The following CDHR5 variants were observed in gnomAD, a reference collection of about 807,000 sequenced individuals.
The protein encoded by CDHR5 is cadherin related family member 5.
In CDHR5, 82 loss-of-function variants were observed where a neutral mutation model predicts 69.5. The observed-to-expected ratio is 1.18, with a 90% CI of 0.99 to 1.42. The LOEUF is 1.42. Among genes scored for constraint, CDHR5 ranks in the 40% most tolerant of loss-of-function variants. The pLI is 0.00. For synonymous variants in CDHR5, 601 were observed against 510.2 expected (o/e 1.18, Z -2.40); for missense variants, 1,293 against 1,168.9 (o/e 1.11, Z -1.55).
chr11:623,683 T>C (rs1857549612), intron 3 of CDHR5, among the ~76,000 whole-genome samples: 1 of 151,750 alleles, frequency 6.6e-6, no homozygotes, highest in Non-Finnish European at 1.5e-5. Flanking sequence ...TGGGCAGCCT[T>C]GGTTTACAAC....
In CDHR5 at chr11:618,666, G is replaced by A; in HGVS notation, c.1893C>T (p.Gly631=). 1.3e-6 allele frequency: 2 copies of A among 1,592,412 alleles called. No homozygotes were observed. Among genetic ancestry groups the A allele is most frequent in the East Asian group, 2.3e-5 (1 of 43,584 alleles). ...TSHQPTTPGG[G]TAQTPEPGTS... ...TTCCTGGCTCTGGGGTCTGTGCTGT[G>A]CCCCCACCGGGTGTGGTTGGTTGGT... The change falls in exon 13 of 15, where the codon GGC becomes GGT. Residue 631 remains glycine, a synonymous_variant. Coordinates refer to ENST00000397542, the MANE Select transcript of CDHR5 (RefSeq NM_021924.5).
At chr11:617,829 C>T (rs1403473132) in intron 14 of CDHR5, 59 bp from the exon 15 acceptor site, 1 of 1,470,978 alleles carries the variant, frequency 6.8e-7, no homozygotes, top group South Asian at 1.3e-5. Flanking sequence ...CTTGGCCCTG[C>T]ACACCCTCAT....
intron 13 of CDHR5, 89 bp from the exon 14 acceptor site, chr11:618,200 T>A: frequency 2.6e-6 from 3 of 1,152,928 alleles, no homozygotes; most frequent in Non-Finnish European, 2.5e-6. Flanking sequence ...CTTGGGACAC[T>A]TGGGTTCCAC....
rs1226557774 is a variant in CDHR5 at position 624,771 on chromosome 11, C to CT, written c.86-40_86-39insA. ...GAGGAGGGATCAGTGCCTCCCAGCCCCTGGCTCCCCGCCGCCCGTGCCCCA... is the reference window on the plus strand; with the variant it reads ...GAGGAGGGATCAGTGCCTCCCAGCCCTCTGGCTCCCCGCCGCCCGTGCCCCA... On this transcript the variant is annotated intron_variant, in intron 1 of 14. Transcript: ENST00000397542. This position sits in a 1 kb window ranked among gnomAD's most constrained non-coding sequence, Gnocchi z 5.3. 1 of 1,604,178 alleles carries CT rather than the reference C, an allele frequency of 6.2e-7. No homozygotes were observed. The highest frequency in any genetic ancestry group is 8.5e-7 in the Non-Finnish European group (1 of 1,173,888).
In CDHR5 at chr11:618,685, G is replaced by C. The variant is rs1265450515; in HGVS notation, c.1874C>G (p.Pro625Arg). The C allele has an allele frequency of 7.5e-6, 12 of 1,590,250 alleles. No homozygotes were observed. The highest frequency in any genetic ancestry group is 1.0e-5 in the Non-Finnish European group (12 of 1,167,378). ...PGMGTSTSHQ[P>R]TTPGGGTAQT... ...TGCTGTGCCCCCACCGGGTGTGGTT[G>C]GTTGGTGGGAGGTGCTGGTTCCCAT... is the stretch of plus-strand genomic sequence containing the variant. The change falls in exon 13 of 15, where the codon CCA becomes CGA. Residue 625 changes from proline to arginine, a missense_variant. Physicochemically the swap from Pro to Arg is moderately radical, Grantham distance 103 (BLOSUM62 -2). Transcript: ENST00000397542.
In CDHR5 at chr11:621,532, T is replaced by C. The variant is rs778113410; in HGVS notation, c.507+30A>G. The stretch of plus-strand genomic sequence containing the variant: ...GCTGTGGGTGTCAGAGGCGAGGGGC[T>C]CGTGCTGGGGCAGGGTGGGCGGCAC... On this transcript the variant is annotated intron_variant, in intron 5 of 14. Transcript: ENST00000397542. The surrounding 1 kb of genome is among the most constrained non-coding windows in gnomAD (Gnocchi z 4.4). 10 of 1,594,712 alleles carry C rather than the reference T, an allele frequency of 6.3e-6. No homozygotes were observed. The highest frequency in any genetic ancestry group is 1.7e-5 in the Admixed American group (1 of 59,974).
intron 3 of CDHR5, among the ~76,000 whole-genome samples, chr11:622,812 T>C (rs980734981): frequency 5.9e-5 from 9 of 152,182 alleles, no homozygotes; most frequent in South Asian, 4.2e-4. Flanking sequence ...ACAATGTCGT[T>C]GTCACACCTG....
At position 620,331 on chromosome 11, in the gene CDHR5, C is replaced by T. The variant is rs1857296504; in HGVS notation, c.845G>A (p.Gly282Asp). Reference sequence around the variant, plus strand: ...GCTGTAGATGATGGGCTGGTTGATGCCGCGGTCTCCGTCCTCAGCGTAGAT... The same window carrying T: ...GCTGTAGATGATGGGCTGGTTGATGTCGCGGTCTCCGTCCTCAGCGTAGAT... Reference protein sequence around the residue: ...GPIYAEDGDRGINQPIIYSIF... With the variant: ...GPIYAEDGDRDINQPIIYSIF... The change falls in exon 8 of 15, where the codon GGC (glycine) becomes GAC (aspartate). Residue 282 changes from glycine to aspartate, a missense_variant. Transcript: ENST00000397542. 1.2e-6 allele frequency: 2 copies of T among 1,612,668 alleles called. No individual in the cohort carries two copies. The highest frequency in any genetic ancestry group is 1.7e-5 in the Admixed American group (1 of 59,836).
intron 9 of CDHR5, 74 bp downstream of exon 9, chr11:619,993 C>T: frequency 7.8e-7 from 1 of 1,278,326 alleles, no homozygotes; most frequent in Non-Finnish European, 1.1e-6. Context: ...GCCCCGGCCC[C>T]CCAGCCCTGA....
At chr11:619,924 G>A (rs1002273886) in intron 9 of CDHR5, 43 bp from the exon 10 acceptor site, 2 of 1,481,298 alleles carry the variant, frequency 1.4e-6, no homozygotes, top group African/African-American at 2.8e-5. Context: ...GGTTGAAGGT[G>A]GAGCTGGCGC....
intron 13 of CDHR5, among the ~76,000 whole-genome samples, 154 bp from the exon 14 acceptor site, chr11:618,265 C>T (rs530995323): frequency 1.3e-5 from 2 of 152,330 alleles, no homozygotes; most frequent in African/African-American, 2.4e-5. Context: ...GCTCAAGGGG[C>T]CTGTGTGTCC....
Position 619,153 on chromosome 11 carries a change from C to T in CDHR5, c.1406G>A (p.Gly469Glu). The change falls in exon 13 of 15, where the codon GGA becomes GAA. Residue 469 changes from glycine to glutamate, a missense_variant. Physicochemically the swap from Gly to Glu is moderately conservative, Grantham distance 98. Coordinates refer to ENST00000397542, the MANE Select transcript of CDHR5 (RefSeq NM_021924.5). The part of the protein sequence containing the change: ...TDVPPSPEAG[G>E]TTGPWTSTTS... The stretch of plus-strand genomic sequence containing the variant: ...GGTGCTGGTCCAGGGCCCAGTTGTT[C>T]CTCCAGCCTCTGGGGATGGGGGGAC... 2 of 1,560,366 alleles carry T rather than the reference C, an allele frequency of 1.3e-6. No homozygotes were observed. Among genetic ancestry groups the T allele is most frequent in the Non-Finnish European group, 8.7e-7 (1 of 1,155,410 alleles).
Position 621,118 on chromosome 11 carries a change from C to T in CDHR5, c.751G>A (p.Ala251Thr), listed in dbSNP as rs140132614. The T allele has an allele frequency of 3.8e-6, 6 of 1,579,922 alleles. No individual in the cohort carries two copies. Among genetic ancestry groups the T allele is most frequent in the Non-Finnish European group, 5.2e-6 (6 of 1,162,630 alleles). ...GTGGGGACAGCCCCGTGGTACTGAG[C>T]TTGAATGCAGACGTAGCCATCTGAG... ...TFSDGYVCIQ[A>T]QYHGAVPTGH... The change falls in exon 7 of 15, where the codon GCT becomes ACT. Residue 251 changes from alanine to threonine, a missense_variant. Coordinates refer to ENST00000397542, the MANE Select transcript of CDHR5 (RefSeq NM_021924.5). The surrounding 1 kb of genome is among the most constrained non-coding windows in gnomAD (Gnocchi z 4.4).
rs1564896516 is a variant in CDHR5 at position 619,842 on chromosome 11, C to T, written c.1018G>A (p.Val340Ile). 1.3e-6 allele frequency: 2 copies of T among 1,565,628 alleles called. No homozygotes were observed. Among genetic ancestry groups the T allele is most frequent in the Non-Finnish European group, 1.7e-6 (2 of 1,159,802 alleles). Residue 340 changes from valine (V) to isoleucine (I), a missense_variant, in exon 10 of 15, where the codon GTC becomes ATC. Val to Ile is a conservative substitution (Grantham distance 29). Transcript: ENST00000397542. ...GCCGCAGCCACAGCCTCCACGGTGA[C>T]CTGGGTCACTGAGTAGCGGGCAAGG... is the stretch of plus-strand genomic sequence containing the variant. ...ADLARYSVTQVTVEAVAAAGS... is the reference protein window; with the variant it reads ...ADLARYSVTQITVEAVAAAGS...
rs544753589 is a variant in CDHR5 at position 617,883 on chromosome 11, C to G, written c.2118+71G>C. 90 of 1,545,788 alleles carry G rather than the reference C, an allele frequency of 5.8e-5. 1 individual carries two copies. The highest frequency in any genetic ancestry group is 7.5e-5 in the Non-Finnish European group (85 of 1,140,668). On this transcript the variant is annotated intron_variant, in intron 14 of 14. Coordinates refer to ENST00000397542, the MANE Select transcript of CDHR5 (RefSeq NM_021924.5). ...CCGTCTCCACATCTGTCCCTCTGCC[C>G]TCCCCTCTCCTGTCCCCCGTCCCCC...
chr11:623,684 G>T (rs925570904), intron 3 of CDHR5, among the ~76,000 whole-genome samples: 1 of 152,104 alleles, frequency 6.6e-6, no homozygotes, highest in African/African-American at 2.4e-5. Flanking sequence ...GGGCAGCCTT[G>T]GTTTACAACA....
In CDHR5 at chr11:624,889, G is replaced by C; in HGVS notation, c.14C>G (p.Ala5Gly). 1 of 1,561,424 alleles carries C rather than the reference G, an allele frequency of 6.4e-7. No individual in the cohort carries two copies. The highest frequency in any genetic ancestry group is 2.0e-5 in the Admixed American group (1 of 50,592). MGSWALLWPPLLFTG... is the reference protein window; with the variant it reads MGSWGLLWPPLLFTG... ...GAACAGCAGGGGAGGCCACAGCAGG[G>C]CCCAAGACCCCATCTTGGCGGCTGT... Residue 5 changes from alanine (A) to glycine (G), a missense_variant, in exon 1 of 15, where the codon GCC (alanine) becomes GGC (glycine). By Grantham distance (60) the Ala-to-Gly change is moderately conservative. Coordinates refer to ENST00000397542, the MANE Select transcript of CDHR5 (RefSeq NM_021924.5). The surrounding 1 kb of genome is among the most constrained non-coding windows in gnomAD (Gnocchi z 5.3).
At chr11:618,550 C>T (rs752164860) in intron 13 of CDHR5, 49 bp downstream of exon 13, 15 of 1,602,754 alleles carry the variant, frequency 9.4e-6, no homozygotes, top group African/African-American at 2.7e-5. Flanking sequence ...GTTTCCCATA[C>T]CAGCCAATGA....
At chr11:620,969 G>C in intron 7 of CDHR5, 111 bp downstream of exon 7, 1 of 701,268 alleles carries the variant, frequency 1.4e-6, no homozygotes, top group Non-Finnish European at 2.2e-6. Context: ...GACCGAAATC[G>C]GCCCCACCCC....
Sources: allele counts gnomAD v4.1 joint callset (sites outside exome capture counted in the v4.1 genomes callset), GRCh38; gene constraint gnomAD v4.1.1; non-coding constraint Gnocchi (gnomAD v3.1); transcripts MANE v1.5; gene names NCBI Gene and HGNC (gene_info 2026-07-23, HGNC 2026-07-21).